SYNDIG1: variants seen among roughly 807,000 people sequenced by gnomAD.
SYNDIG1 encodes the protein synapse differentiation-inducing gene protein 1.
In SYNDIG1, 9 loss-of-function variants were observed where a neutral mutation model predicts 19.4. The observed-to-expected ratio is 0.46, with a 90% CI of 0.28 to 0.81. The LOEUF (loss-of-function observed/expected upper bound fraction) is 0.81. Among genes scored for constraint, SYNDIG1 ranks in the 30% least tolerant of loss-of-function variants. The pLI is 0.12. For synonymous variants in SYNDIG1, 141 were observed against 145.9 expected (o/e 0.97, Z 0.24); for missense variants, 311 against 343.3 (o/e 0.91, Z 0.74).
chr20:24,605,096 G>A (rs575209088), intron 3 of SYNDIG1, among the ~76,000 whole-genome samples: 1 of 152,142 alleles, frequency 6.6e-6, no homozygotes. Context: ...CCTGTGCTGG[G>A]GTCCAGGAGA....
chr20:24,622,329 A>G (rs2059052152), intron 3 of SYNDIG1, among the ~76,000 whole-genome samples: 1 of 152,234 alleles, frequency 6.6e-6, no homozygotes, highest in South Asian at 2.1e-4. Context: ...ACAAAGAAAA[A>G]AAGGATGGAA....
chr20:24,494,558 C>G (rs2056246844), intron 1 of SYNDIG1, among the ~76,000 whole-genome samples: 2 of 152,156 alleles, frequency 1.3e-5, no homozygotes, highest in Admixed American at 1.3e-4. Flanking sequence ...TGCCACCAAA[C>G]ATCTGTGAAA....
At chr20:24,664,799 AG>A (rs2059633090) in intron 3 of SYNDIG1, among the ~76,000 whole-genome samples, 1 of 152,152 alleles carries the variant, frequency 6.6e-6, no homozygotes, top group Admixed American at 6.5e-5. Flanking sequence ...CTGAGGAGGA[AG>A]GTTTCAGGTG....
chr20:24,656,808 A>G lies in SYNDIG1; in HGVS notation c.619-8538A>G, dbSNP rs1190323839. 2.0e-5 allele frequency among the ~76,000 whole-genome samples: 3 copies of G among 152,362 alleles called. No homozygotes were observed. The East Asian group carries it at 5.8e-4, about 29-fold the overall frequency. On this transcript the variant is annotated intron_variant, in intron 3 of 3. Transcript: ENST00000376862. ...AACCAAGGCTGGCTTCTCCCTGGCC[A>G]GGGCCAGATGTTTATCCCCTCCGAA...
At chr20:24,650,742 T>C (rs2059462675) in intron 3 of SYNDIG1, among the ~76,000 whole-genome samples, 1 of 152,258 alleles carries the variant, frequency 6.6e-6, no homozygotes, top group Admixed American at 6.5e-5. Context: ...CAAATGTGTG[T>C]TTCTTGAAAA....
chr20:24,545,244 T>A (rs547609865), intron 2 of SYNDIG1, among the ~76,000 whole-genome samples: 16 of 152,192 alleles, frequency 1.1e-4, no homozygotes, highest in African/African-American at 3.6e-4. Flanking sequence ...AGTCGTGGCA[T>A]GGAAGAGGAC....
chr20:24,661,300 AGGGAGGGAGG>A, intron 3 of SYNDIG1, among the ~76,000 whole-genome samples: 1 of 120,674 alleles, frequency 8.3e-6, no homozygotes, highest in South Asian at 3.1e-4. Context: ...AGAAAGAAGG[AGGGAGGGAGG>A]AAAGGGGAGG....
At chr20:24,576,625 G>A (rs977861444) in intron 2 of SYNDIG1, among the ~76,000 whole-genome samples, 3 of 152,166 alleles carry the variant, frequency 2.0e-5, no homozygotes, top group African/African-American at 7.2e-5. Context: ...TGGCGCTGAC[G>A]GGAAGGGAGT....
chr20:24,638,930 G>A (rs950037509), intron 3 of SYNDIG1, among the ~76,000 whole-genome samples: 4 of 152,142 alleles, frequency 2.6e-5, no homozygotes, highest in Admixed American at 2.0e-4. Context: ...GGCCAGGCAC[G>A]CAGGACTTGT....
chr20:24,636,193 C>T (rs2059313602), intron 3 of SYNDIG1, among the ~76,000 whole-genome samples: 1 of 152,154 alleles, frequency 6.6e-6, no homozygotes, highest in Admixed American at 6.5e-5. Flanking sequence ...CATGAGAAAG[C>T]TTAACTTCTT....
intron 3 of SYNDIG1, among the ~76,000 whole-genome samples, chr20:24,631,531 T>C (rs909096445): frequency 6.6e-6 from 1 of 152,236 alleles, no homozygotes; most frequent in African/African-American, 2.4e-5. Flanking sequence ...CAAAACTTTT[T>C]TCTTCATAAA....
intron 3 of SYNDIG1, among the ~76,000 whole-genome samples, chr20:24,593,819 C>T (rs539548583): frequency 1.3e-5 from 2 of 152,010 alleles, no homozygotes; most frequent in Non-Finnish European, 2.9e-5. Context: ...TGGTTGTTGG[C>T]TGCATGTATG....
At chr20:24,514,031 A>G (rs888483539) in intron 1 of SYNDIG1, among the ~76,000 whole-genome samples, 2 of 152,238 alleles carry the variant, frequency 1.3e-5, no homozygotes, top group African/African-American at 4.8e-5. Flanking sequence ...ACTAAGCTTC[A>G]TAAGTGAAGG....
intron 2 of SYNDIG1, among the ~76,000 whole-genome samples, chr20:24,564,386 G>A (rs1017141106): frequency 6.6e-6 from 1 of 152,112 alleles, no homozygotes; most frequent in South Asian, 2.1e-4. Context: ...TTTTTCTCTA[G>A]CAAATGATTT....
chr20:24,554,091 C>G (rs530172106), intron 2 of SYNDIG1, among the ~76,000 whole-genome samples: 1 of 152,250 alleles, frequency 6.6e-6, no homozygotes, highest in East Asian at 1.9e-4. Flanking sequence ...GGAGTTCACT[C>G]ATGATTTTGC....
At chr20:24,482,679 G>A (rs2055832981) in intron 1 of SYNDIG1, among the ~76,000 whole-genome samples, 1 of 152,174 alleles carries the variant, frequency 6.6e-6, no homozygotes, top group Admixed American at 6.5e-5. Context: ...AAAGGGGATG[G>A]TTAAATATGA....
intron 2 of SYNDIG1, among the ~76,000 whole-genome samples, chr20:24,564,465 C>T (rs556959204): frequency 6.6e-6 from 1 of 152,272 alleles, no homozygotes; most frequent in Non-Finnish European, 1.5e-5. Context: ...ATCACAAGCT[C>T]TCATATGTAG....
At chr20:24,531,254 A>G (rs1346555303) in intron 1 of SYNDIG1, among the ~76,000 whole-genome samples, 1 of 152,216 alleles carries the variant, frequency 6.6e-6, no homozygotes, top group Non-Finnish European at 1.5e-5. Flanking sequence ...TTTTCTAATT[A>G]GCCACACAGG....
At chr20:24,560,984 T>A (rs2057934514) in intron 2 of SYNDIG1, among the ~76,000 whole-genome samples, 1 of 151,766 alleles carries the variant, frequency 6.6e-6, no homozygotes, top group Non-Finnish European at 1.5e-5. Context: ...CACTGATGTC[T>A]CCTCAGCTTT....
Sources: gnomAD v4.1 joint callset for allele counts (sites outside exome capture counted in the v4.1 genomes callset) on GRCh38, gnomAD v4.1.1 for gene constraint, MANE v1.5 for transcripts, NCBI Gene and HGNC (gene_info 2026-07-23, HGNC 2026-07-21) for gene names.